Variants in NCOA1 observed in about 807,000 individuals in gnomAD.
The protein encoded by NCOA1 is Hin-2 protein.
Under a neutral mutation model 150.9 loss-of-function variants are expected in NCOA1, and 35 were observed. That is an observed-to-expected ratio of 0.23 (90% CI 0.18 to 0.31). NCOA1 has a LOEUF of 0.31. Among genes scored for constraint, NCOA1 ranks in the 10% least tolerant of loss-of-function variants. NCOA1 has a pLI of 1.00. For synonymous variants in NCOA1, 590 were observed against 630.0 expected (o/e 0.94, Z 0.95); for missense variants, 1,491 against 1,749.3 (o/e 0.85, Z 2.63).
intron 1 of NCOA1, among the ~76,000 whole-genome samples, chr2:24,502,147 A>T (rs1206907477): frequency 6.6e-6 from 1 of 152,144 alleles, no homozygotes; most frequent in Non-Finnish European, 1.5e-5. Flanking sequence ...GACCTATTGT[A>T]TGGGTGTAGA....
At chr2:24,620,745 T>G (rs939695072) in intron 3 of NCOA1, among the ~76,000 whole-genome samples, 2 of 152,224 alleles carry the variant, frequency 1.3e-5, no homozygotes. Context: ...TATAAAAATT[T>G]GATTTTATAC....
At chr2:24,536,319 C>T (rs1376915870) in intron 1 of NCOA1, among the ~76,000 whole-genome samples, 2 of 152,158 alleles carry the variant, frequency 1.3e-5, no homozygotes, top group Non-Finnish European at 2.9e-5. Flanking sequence ...TTAAGGTCTT[C>T]TCTACACTGT....
intron 2 of NCOA1, among the ~76,000 whole-genome samples, chr2:24,577,280 CAA>C (rs574741438): frequency 1.6e-3 from 237 of 152,260 alleles, no homozygotes; most frequent in Middle Eastern, 6.8e-3. Flanking sequence ...TACTCACACA[CAA>C]AGTGCATTTT....
intron 17 of NCOA1, among the ~76,000 whole-genome samples, chr2:24,738,859 A>G (rs1461431686): frequency 2.0e-5 from 3 of 152,148 alleles, no homozygotes; most frequent in African/African-American, 7.2e-5. Context: ...TTTCTAGTTA[A>G]ATAAATAATC....
At chr2:24,744,197 T>G (rs1663766126) in intron 19 of NCOA1, among the ~76,000 whole-genome samples, 1 of 152,190 alleles carries the variant, frequency 6.6e-6, no homozygotes, top group African/African-American at 2.4e-5. Context: ...CTATCATGAG[T>G]ATCTGGTGCC....
chr2:24,544,656 C>A (rs1279770634), intron 1 of NCOA1, among the ~76,000 whole-genome samples: 1 of 152,092 alleles, frequency 6.6e-6, no homozygotes, highest in African/African-American at 2.4e-5. Flanking sequence ...GGAGGAGCAC[C>A]TGAGCTCAGG....
At chr2:24,563,785 T>G (rs1486766061) in intron 1 of NCOA1, among the ~76,000 whole-genome samples, 1 of 152,244 alleles carries the variant, frequency 6.6e-6, no homozygotes, top group Non-Finnish European at 1.5e-5. Context: ...CCCAAAGTGC[T>G]GGGATTACAA....
intron 3 of NCOA1, among the ~76,000 whole-genome samples, chr2:24,592,531 G>A (rs1667698086): frequency 6.7e-6 from 1 of 149,430 alleles, no homozygotes; most frequent in South Asian, 2.1e-4. Flanking sequence ...TTCATTTGAT[G>A]AAATTTAAGA....
At chr2:24,565,111 T>C (rs539842842) in intron 2 of NCOA1, among the ~76,000 whole-genome samples, 338 of 152,314 alleles carry the variant, frequency 2.2e-3, no homozygotes, top group African/African-American at 7.8e-3. Flanking sequence ...CCAAGATATT[T>C]AACTAAAGAA....
At chr2:24,702,472 A>G (rs1673210834) in intron 11 of NCOA1, among the ~76,000 whole-genome samples, 1 of 152,306 alleles carries the variant, frequency 6.6e-6, no homozygotes, top group Middle Eastern at 3.4e-3. Flanking sequence ...GTTTGAGGTT[A>G]TCTCAGCACC....
intron 1 of NCOA1, among the ~76,000 whole-genome samples, chr2:24,536,036 A>G: frequency 6.6e-6 from 1 of 152,156 alleles, no homozygotes; most frequent in Non-Finnish European, 1.5e-5. Context: ...ATAATATTCT[A>G]AAGAGCATTT....
chr2:24,606,325 C>T (rs991000159), intron 3 of NCOA1, among the ~76,000 whole-genome samples: 4 of 152,124 alleles, frequency 2.6e-5, no homozygotes, highest in African/African-American at 9.7e-5. Context: ...CAACCTCCAC[C>T]TCTTGGGTTT....
chr2:24,610,629 A>G (rs1167606310), intron 3 of NCOA1, among the ~76,000 whole-genome samples: 1 of 151,426 alleles, frequency 6.6e-6, no homozygotes, highest in African/African-American at 2.4e-5. Flanking sequence ...TATTTGTTCC[A>G]TCTTTTTCTC....
At chr2:24,602,476 C>T (rs995048236) in intron 3 of NCOA1, among the ~76,000 whole-genome samples, 3 of 152,166 alleles carry the variant, frequency 2.0e-5, no homozygotes, top group Admixed American at 2.0e-4. Flanking sequence ...GCTGGGATTA[C>T]GGGCATGTGC....
chr2:24,544,535 A>C (rs1665530398), intron 1 of NCOA1, among the ~76,000 whole-genome samples: 1 of 152,066 alleles, frequency 6.6e-6, no homozygotes, highest in South Asian at 2.1e-4. Context: ...TGAGTTCAGG[A>C]GTTTGAGACC....
chr2:24,626,767 TG>T (rs1470099840), intron 3 of NCOA1, among the ~76,000 whole-genome samples: 1 of 152,212 alleles, frequency 6.6e-6, no homozygotes, highest in Non-Finnish European at 1.5e-5. Context: ...TGAATAATTG[TG>T]GGATTAAGAT....
chr2:24,584,962 T>A (rs1667340663), intron 3 of NCOA1, among the ~76,000 whole-genome samples: 1 of 152,222 alleles, frequency 6.6e-6, no homozygotes, highest in African/African-American at 2.4e-5. Context: ...GTATGTGACT[T>A]TTCCTGTAAT....
chr2:24,669,660 G>C (rs1235224635), intron 6 of NCOA1, among the ~76,000 whole-genome samples: 1 of 152,118 alleles, frequency 6.6e-6, no homozygotes, highest in East Asian at 1.9e-4. Context: ...AGAAACTCCT[G>C]CACCATAATA....
intron 3 of NCOA1, among the ~76,000 whole-genome samples, chr2:24,588,229 T>A (rs568996597): frequency 6.6e-6 from 1 of 152,216 alleles, no homozygotes; most frequent in South Asian, 2.1e-4. Context: ...GGACTACAGG[T>A]GCTCGCCACC....
Sources: allele counts gnomAD v4.1 joint callset (sites outside exome capture counted in the v4.1 genomes callset), GRCh38; gene constraint gnomAD v4.1.1; transcripts MANE v1.5; gene names NCBI Gene and HGNC (gene_info 2026-07-23, HGNC 2026-07-21).